Variants in RALGAPA2 observed in about 807,000 individuals in gnomAD.
RALGAPA2 encodes Ral GTPase activating protein catalytic subunit alpha 2, also known as ral GTPase-activating protein subunit alpha-2.
In RALGAPA2, 139 loss-of-function variants were observed where a neutral mutation model predicts 230.4. The observed-to-expected ratio is 0.60, with a 90% CI of 0.53 to 0.69. The LOEUF (loss-of-function observed/expected upper bound fraction) is 0.69. Ranked by LOEUF, RALGAPA2 falls within the 30% of genes least tolerant of loss-of-function variation. RALGAPA2 has a pLI of 0.00. For synonymous variants in RALGAPA2, 847 were observed against 837.8 expected (o/e 1.01, Z -0.19); for missense variants, 2,163 against 2,276.0 (o/e 0.95, Z 1.01).
intron 37 of RALGAPA2, among the ~76,000 whole-genome samples, chr20:20,438,050 T>A (rs2060652774): frequency 6.6e-6 from 1 of 152,330 alleles, no homozygotes; most frequent in African/African-American, 2.4e-5. Flanking sequence ...TGGGTGATGA[T>A]CAAAATTCCA....
In RALGAPA2 at chr20:20,568,959, G is replaced by T. The variant is rs569044198; in HGVS notation, c.3156+2499C>A. 3.9e-5 allele frequency among the ~76,000 whole-genome samples: 6 copies of T among 152,310 alleles called. No individual in the cohort carries two copies. In the South Asian group the frequency reaches 1.2e-3, roughly 32 times the overall value. On this transcript the variant is annotated intron_variant, in intron 23 of 39. Coordinates refer to ENST00000202677, the MANE Select transcript of RALGAPA2 (RefSeq NM_020343.4). Reference sequence around the variant, plus strand: ...CCTTTTGCTGCTAGGATACATAAAAGTGTGGCCCTTTGAGAATTCTCACAA... The same window carrying T: ...CCTTTTGCTGCTAGGATACATAAAATTGTGGCCCTTTGAGAATTCTCACAA...
At position 20,393,213 on chromosome 20, in the gene RALGAPA2, G is replaced by C. The variant is rs1323259615; in HGVS notation, c.*76C>G. The C allele has an allele frequency of 5.2e-6, 7 of 1,352,702 alleles. No homozygotes were observed. The highest frequency in any genetic ancestry group is 1.5e-5 in the African/African-American group (1 of 67,482). 83.8% of individuals were successfully genotyped at this position (1,352,702 alleles called of 1,614,324 possible). On this transcript the variant is annotated 3_prime_UTR_variant, in exon 40 of 40. Transcript: ENST00000202677. ...GGTGTTCTGTCTCCTCCTCACTCAG[G>C]GGCTCTTCGAGGTCAGCACTCAGAC... is the stretch of plus-strand genomic sequence containing the variant.
intron 37 of RALGAPA2, among the ~76,000 whole-genome samples, chr20:20,433,975 C>CTT (rs1376714404): frequency 6.6e-6 from 1 of 152,078 alleles, no homozygotes; most frequent in African/African-American, 2.4e-5. Flanking sequence ...TGGCCATGTT[C>CTT]TTTGTACTCA....
intron 1 of RALGAPA2, among the ~76,000 whole-genome samples, chr20:20,691,524 T>C (rs1401166708): frequency 1.3e-5 from 2 of 152,196 alleles, no homozygotes; most frequent in Admixed American, 1.3e-4. Flanking sequence ...ACATAATTTA[T>C]GATGTATAAT....
chr20:20,503,276 T>C, intron 35 of RALGAPA2, 75 bp downstream of exon 35: 3 of 1,275,302 alleles, frequency 2.4e-6, no homozygotes, highest in Non-Finnish European at 3.1e-6. Context: ...GTTCTACCCT[T>C]GTATTTGTCT....
chr20:20,465,873 T>C (rs1206254005), intron 37 of RALGAPA2, among the ~76,000 whole-genome samples: 1 of 152,140 alleles, frequency 6.6e-6, no homozygotes, highest in Non-Finnish European at 1.5e-5. Context: ...AAAAAGTAAA[T>C]ATTTCCTGAG....
At chr20:20,505,084 T>G in intron 34 of RALGAPA2, 1 of 985,446 alleles carries the variant, frequency 1.0e-6, no homozygotes. Context: ...ATCTCCATAC[T>G]GTGGCCAAAG....
At position 20,436,964 on chromosome 20, in the gene RALGAPA2, C is replaced by T. The variant is rs544537050; in HGVS notation, c.5496-24816G>A. Reference sequence around the variant, plus strand: ...GCAGCCGCACCGGGGAGACCAAGCTCCGGGGCTAACTAACTGACGGGAGGC... The same window carrying T: ...GCAGCCGCACCGGGGAGACCAAGCTTCGGGGCTAACTAACTGACGGGAGGC... On this transcript the variant is annotated intron_variant, in intron 37 of 39. Coordinates refer to ENST00000202677, the MANE Select transcript of RALGAPA2 (RefSeq NM_020343.4). Among the ~76,000 whole-genome samples, 26 of 152,320 alleles carry T rather than the reference C, an allele frequency of 1.7e-4. No individual in the cohort carries two copies. The South Asian group carries it at 5.2e-3, about 30-fold the overall frequency.
intron 9 of RALGAPA2, among the ~76,000 whole-genome samples, chr20:20,632,925 T>C (rs539303514): frequency 6.6e-6 from 1 of 152,256 alleles, no homozygotes; most frequent in East Asian, 1.9e-4. Flanking sequence ...GATTTGGCCT[T>C]CTGTAGTCTT....
intron 20 of RALGAPA2, among the ~76,000 whole-genome samples, chr20:20,577,066 C>G (rs1323126938): frequency 6.6e-6 from 1 of 151,952 alleles, no homozygotes; most frequent in Non-Finnish European, 1.5e-5. Flanking sequence ...CATAATTATT[C>G]CCAAAGTTCT....
At chr20:20,636,602 A>G (rs1197101975) in intron 8 of RALGAPA2, among the ~76,000 whole-genome samples, 1 of 152,046 alleles carries the variant, frequency 6.6e-6, no homozygotes, top group Non-Finnish European at 1.5e-5. Context: ...ATAGAAACAC[A>G]CAGAGTACAG....
intron 37 of RALGAPA2, among the ~76,000 whole-genome samples, chr20:20,455,167 G>A (rs2061082198): frequency 6.6e-6 from 1 of 152,342 alleles, no homozygotes; most frequent in African/African-American, 2.4e-5. Flanking sequence ...TGCCTCCACA[G>A]TCCCGTGTAA....
chr20:20,466,517 C>G (rs1424412049), intron 37 of RALGAPA2, among the ~76,000 whole-genome samples: 1 of 152,202 alleles, frequency 6.6e-6, no homozygotes, highest in Non-Finnish European at 1.5e-5. Context: ...ACAATTACTT[C>G]TTGGTTTTAA....
chr20:20,433,719 C>G (rs979425806), intron 37 of RALGAPA2, among the ~76,000 whole-genome samples: 1 of 152,046 alleles, frequency 6.6e-6, no homozygotes, highest in African/African-American at 2.4e-5. Flanking sequence ...ACCACAGAGA[C>G]AAGGTCAGCT....
chr20:20,693,846 T>A (rs1603249926), intron 1 of RALGAPA2, among the ~76,000 whole-genome samples: 2 of 152,298 alleles, frequency 1.3e-5, no homozygotes, highest in East Asian at 3.9e-4. Context: ...GGCTCACACC[T>A]GTAATCCTAG....
intron 39 of RALGAPA2, among the ~76,000 whole-genome samples, chr20:20,394,888 G>GAAAA (rs2059676569): frequency 7.9e-4 from 2 of 2,534 alleles, no homozygotes; most frequent in Non-Finnish European, 1.9e-3. Flanking sequence ...TAATAAATAA[G>GAAAA]CAAAAAAAAA....
At chr20:20,684,081 C>T (rs1050769336) in intron 1 of RALGAPA2, among the ~76,000 whole-genome samples, 3 of 152,190 alleles carry the variant, frequency 2.0e-5, no homozygotes, top group Non-Finnish European at 4.4e-5. Flanking sequence ...CTCAGCAAGA[C>T]TTCTGAATAA....
chr20:20,601,868 A>G, intron 15 of RALGAPA2, 22 bp from the exon 16 acceptor site: 1 of 1,568,922 alleles, frequency 6.4e-7, no homozygotes, highest in Admixed American at 1.9e-5. Context: ...AAAGAAAAAT[A>G]ATCTAAAGGC....
rs2062756189 is a variant in RALGAPA2, at chr20:20,512,944, C to T, written c.4425G>A (p.Lys1475=). 3 of 1,613,678 alleles carry T rather than the reference C, an allele frequency of 1.9e-6. No homozygotes were observed. The highest frequency in any genetic ancestry group is 3.3e-5 in the Admixed American group (2 of 60,000). Residue 1475 remains lysine, a synonymous_variant, in exon 32 of 40, where the codon AAG becomes AAA. Transcript: ENST00000202677. ...AGCCTTCCAAAGGTCCATATAAAAC[C>T]TTACCATCCCAAGAGTACTTCCCTG... ...DISGKYSWDG[K]VLYGPLEGCL...
Sources: allele counts gnomAD v4.1 joint callset (sites outside exome capture counted in the v4.1 genomes callset), GRCh38; gene constraint gnomAD v4.1.1; transcripts MANE v1.5; gene names NCBI Gene and HGNC (gene_info 2026-07-23, HGNC 2026-07-21).